The following CNDP1 variants were observed in gnomAD, a reference collection of about 807,000 sequenced individuals.
CNDP1 encodes the protein carnosine dipeptidase 1.
Under a neutral mutation model 58.1 loss-of-function variants are expected in CNDP1, and 44 were observed. The observed-to-expected ratio is 0.76, with a 90% CI of 0.60 to 0.97. The LOEUF is 0.97. CNDP1 is among the 50% of genes least tolerant of loss of function. The pLI is 0.00. For synonymous variants in CNDP1, 254 were observed against 252.6 expected (o/e 1.01, Z -0.05); for missense variants, 616 against 655.1 (o/e 0.94, Z 0.65).
At position 74,560,917 on chromosome 18, in the gene CNDP1, C is replaced by T. The variant is rs1471551863; in HGVS notation, c.365C>T (p.Pro122Leu). The T allele has an allele frequency of 2.5e-6, 4 of 1,614,028 alleles. No homozygotes were observed. The African/African-American group carries it at 5.3e-5, about 22-fold the overall frequency. ...ATCCTGGCCGAACTGGGGAGCGATC[C>T]CACGAAAGGCACCGTGTGCTTCTAC... ...PVILAELGSDPTKGTVCFYGH... is the reference protein window; with the variant it reads ...PVILAELGSDLTKGTVCFYGH... The change falls in exon 4 of 12, where the codon CCC becomes CTC. Residue 122 changes from proline (P) to leucine (L), a missense_variant. Coordinates refer to ENST00000358821, the MANE Select transcript of CNDP1 (RefSeq NM_032649.6).
At chr18:74,572,853 A>G (rs1000347877) in intron 7 of CNDP1, among the ~76,000 whole-genome samples, 1 of 151,564 alleles carries the variant, frequency 6.6e-6, no homozygotes, top group Non-Finnish European at 1.5e-5. Flanking sequence ...AAGCAAAAAA[A>G]AAATGTTTAA....
intron 9 of CNDP1, among the ~76,000 whole-genome samples, chr18:74,579,695 A>G (rs1472967742): frequency 2.6e-5 from 4 of 152,184 alleles, no homozygotes; most frequent in Non-Finnish European, 4.4e-5. Context: ...GAAATTTCCC[A>G]AATACTTAAT....
chr18:74,541,881 C>T (rs1055327079), intron 1 of CNDP1, among the ~76,000 whole-genome samples: 6 of 152,170 alleles, frequency 3.9e-5, no homozygotes, highest in East Asian at 1.9e-4. Flanking sequence ...CAGCTTCCGG[C>T]GCCACAGGAC....
chr18:74,567,241 T>C lies in CNDP1; in HGVS notation c.564T>C (p.Pro188=). 2 of 1,614,040 alleles carry C rather than the reference T, an allele frequency of 1.2e-6. No homozygotes were observed. The highest frequency in any genetic ancestry group is 8.5e-7 in the Non-Finnish European group (1 of 1,179,870). The change falls in exon 6 of 12, where the codon CCT becomes CCC. Residue 188 remains proline, a synonymous_variant. Coordinates refer to ENST00000358821, the MANE Select transcript of CNDP1 (RefSeq NM_032649.6). ...CTTCTGTTGTTACTTAGGATCTTCC[T>C]GTGAATATCAAATTCATCATTGAGG... is the stretch of plus-strand genomic sequence containing the variant. ...SAFRALEQDL[P]VNIKFIIEGM...
intron 6 of CNDP1, among the ~76,000 whole-genome samples, chr18:74,570,218 T>TAATAATAA (rs56019800): frequency 0.2 from 19,712 of 97,704 alleles, 1,717 homozygotes; most frequent in Admixed American, 0.24. Context: ...ATAATAATAA[T>TAATAATAA]TAATAATAAT....
chr18:74,583,572 G>C lies in CNDP1; in HGVS notation c.1321G>C (p.Glu441Gln). ...KRAIRTVFGTEPDMIRDGSTI... is the reference protein window; with the variant it reads ...KRAIRTVFGTQPDMIRDGSTI... ...TTTTCCTGTCTCAGTGTTTGGAACA[G>C]AACCAGATATGATCCGGGATGGATC... Residue 441 changes from glutamate (E) to glutamine (Q), a missense_variant, in exon 11 of 12, where the codon GAA becomes CAA. Physicochemically the swap from Glu to Gln is conservative, Grantham distance 29. Transcript: ENST00000358821. The C allele has an allele frequency of 6.2e-7, 1 of 1,614,128 alleles. No individual in the cohort carries two copies.
Position 74,576,930 on chromosome 18 carries a change from T to A in CNDP1, c.903T>A (p.Pro301=). Residue 301 remains proline, a synonymous_variant, in exon 8 of 12, where the codon CCT becomes CCA. Coordinates refer to ENST00000358821, the MANE Select transcript of CNDP1 (RefSeq NM_032649.6). Reference sequence around the variant, plus strand: ...CTGGAATCTATGATGAAGTGGTTCCTCTTACAGAAGAGGAAATAAATACAT... The same window carrying A: ...CTGGAATCTATGATGAAGTGGTTCCACTTACAGAAGAGGAAATAAATACAT... The part of the protein sequence containing the change: ...LVPGIYDEVV[P]LTEEEINTYK... 1 of 1,613,672 alleles carries A rather than the reference T, an allele frequency of 6.2e-7. No individual in the cohort carries two copies. Among genetic ancestry groups the A allele is most frequent in the Non-Finnish European group, 8.5e-7 (1 of 1,179,824 alleles).
At chr18:74,543,394 G>A (rs1004404133) in intron 1 of CNDP1, among the ~76,000 whole-genome samples, 5 of 152,102 alleles carry the variant, frequency 3.3e-5, no homozygotes, top group African/African-American at 1.2e-4. Context: ...TTAAGAGGCT[G>A]AGGTGGGACA....
At chr18:74,548,603 G>A (rs572697996) in intron 1 of CNDP1, among the ~76,000 whole-genome samples, 6 of 152,282 alleles carry the variant, frequency 3.9e-5, no homozygotes, top group Non-Finnish European at 5.9e-5. Context: ...GTGGGGCATC[G>A]CTATAAAGAT....
chr18:74,547,060 A>C (rs1201633180), intron 1 of CNDP1, among the ~76,000 whole-genome samples: 1 of 152,232 alleles, frequency 6.6e-6, no homozygotes, highest in Admixed American at 6.5e-5. Flanking sequence ...TTGCCGCCAC[A>C]GTGAGTTAAT....
intron 5 of CNDP1, among the ~76,000 whole-genome samples, chr18:74,565,272 A>G (rs938528343): frequency 4.6e-5 from 7 of 152,156 alleles, no homozygotes; most frequent in African/African-American, 9.7e-5. Context: ...CAGCCAAACC[A>G]TATCATTCCA....
intron 6 of CNDP1, among the ~76,000 whole-genome samples, chr18:74,570,278 T>C (rs1981446168): frequency 6.7e-6 from 1 of 149,498 alleles, no homozygotes; most frequent in Admixed American, 6.6e-5. Context: ...GGAAAACAGG[T>C]TAATGAACCA....
At position 74,556,447 on chromosome 18, in the gene CNDP1, A is replaced by G; in HGVS notation, c.134A>G (p.His45Arg). Residue 45 changes from histidine (H) to arginine (R), a missense_variant, in exon 2 of 12, where the codon CAT (histidine) becomes CGT (arginine). By Grantham distance (29) the His-to-Arg change is conservative (BLOSUM62 0). Transcript: ENST00000358821. Reference sequence around the variant, plus strand: ...AAAGTCTTCCAGTACATTGACCTCCATCAGGATGAATTTGTGCAGGTAGGA... The same window carrying G: ...AAAGTCTTCCAGTACATTGACCTCCGTCAGGATGAATTTGTGCAGGTAGGA... ...LEKVFQYIDLHQDEFVQTLKE... is the reference protein window; with the variant it reads ...LEKVFQYIDLRQDEFVQTLKE... 1 of 1,614,208 alleles carries G rather than the reference A, an allele frequency of 6.2e-7. No individual in the cohort carries two copies. The highest frequency in any genetic ancestry group is 8.5e-7 in the Non-Finnish European group (1 of 1,180,028).
At chr18:74,570,234 TA>T (rs1226449914) in intron 6 of CNDP1, among the ~76,000 whole-genome samples, 2 of 83,820 alleles carry the variant, frequency 2.4e-5, no homozygotes, top group African/African-American at 5.1e-5. Flanking sequence ...ATAATAATAA[TA>T]AATAATTAAA....
chr18:74,579,921 C>T (rs1981745201), intron 9 of CNDP1, among the ~76,000 whole-genome samples: 2 of 152,196 alleles, frequency 1.3e-5, no homozygotes. Context: ...GGGTTTCCTG[C>T]TGTCAGCACT....
At chr18:74,573,684 T>C (rs1981556050) in intron 7 of CNDP1, among the ~76,000 whole-genome samples, 1 of 152,260 alleles carries the variant, frequency 6.6e-6, no homozygotes, top group South Asian at 2.1e-4. Context: ...TTTCCTTCCC[T>C]ATGAACTGCA....
chr18:74,566,487 T>C (rs1014046239), intron 5 of CNDP1, among the ~76,000 whole-genome samples: 1 of 152,218 alleles, frequency 6.6e-6, no homozygotes, highest in Admixed American at 6.5e-5. Flanking sequence ...TGACATTTCT[T>C]TTACCAGATA....
intron 5 of CNDP1, among the ~76,000 whole-genome samples, chr18:74,563,736 T>C (rs972530565): frequency 1.3e-5 from 2 of 152,216 alleles, no homozygotes; most frequent in African/African-American, 4.8e-5. Context: ...ATTCCCTCCC[T>C]GGGTTATTTT....
intron 6 of CNDP1, among the ~76,000 whole-genome samples, chr18:74,568,578 T>TGAG (rs1235077057): frequency 6.6e-6 from 1 of 151,758 alleles, no homozygotes; most frequent in Non-Finnish European, 1.5e-5. Flanking sequence ...ACGAAGGCAC[T>TGAG]GAGGAGGTGG....
Sources: allele counts gnomAD v4.1 joint callset (sites outside exome capture counted in the v4.1 genomes callset), GRCh38; gene constraint gnomAD v4.1.1; transcripts MANE v1.5; gene names NCBI Gene and HGNC (gene_info 2026-07-23, HGNC 2026-07-21).